The following ADGRL2 variants were observed in gnomAD, a reference collection of about 807,000 sequenced individuals.
ADGRL2 encodes the protein adhesion G protein-coupled receptor L2, also known as calcium-independent alpha-latrotoxin receptor 2.
Under a neutral mutation model 157.4 loss-of-function variants are expected in ADGRL2, and 44 were observed. The observed-to-expected ratio is 0.28, with a 90% CI of 0.22 to 0.36. ADGRL2 has a LOEUF of 0.36. Among genes scored for constraint, ADGRL2 ranks in the 10% least tolerant of loss-of-function variants. The pLI is 1.00. For missense variants in ADGRL2, 1,510 were observed against 1,768.9 expected (o/e 0.85, Z 2.63); for synonymous variants, 585 against 624.7 (o/e 0.94, Z 0.95).
intron 13 of ADGRL2, among the ~76,000 whole-genome samples, chr1:81,967,293 G>T (rs374368915): frequency 6.9e-5 from 10 of 145,944 alleles, no homozygotes; most frequent in African/African-American, 2.3e-4. Context: ...ACAGAGTCTC[G>T]CTCTGTTGCC....
At chr1:81,642,320 T>A (rs1196848458) in intron 3 of ADGRL2, among the ~76,000 whole-genome samples, 3 of 143,884 alleles carry the variant, frequency 2.1e-5, no homozygotes, top group Non-Finnish European at 3.0e-5. Context: ...CTTGGGAGAA[T>A]GAGGCAGGAA....
At chr1:81,834,957 G>T (rs927542583) in intron 1 of ADGRL2, among the ~76,000 whole-genome samples, 7 of 152,106 alleles carry the variant, frequency 4.6e-5, no homozygotes, top group Non-Finnish European at 1.0e-4. Context: ...GGTCTTGATT[G>T]TGTGGTTTCC....
chr1:81,637,500 G>C (rs2082137212), intron 3 of ADGRL2, among the ~76,000 whole-genome samples: 1 of 152,108 alleles, frequency 6.6e-6, no homozygotes, highest in Admixed American at 6.6e-5. Context: ...TTCTGCTGAA[G>C]CTACTAAAGA....
At chr1:81,583,335 A>G (rs1266248264) in intron 3 of ADGRL2, among the ~76,000 whole-genome samples, 4 of 152,176 alleles carry the variant, frequency 2.6e-5, no homozygotes, top group Admixed American at 1.3e-4. Flanking sequence ...CATTTAATAT[A>G]ACTTTTATAC....
At chr1:81,739,354 T>C (rs758718543) in intron 1 of ADGRL2, among the ~76,000 whole-genome samples, 1 of 152,208 alleles carries the variant, frequency 6.6e-6, no homozygotes, top group Non-Finnish European at 1.5e-5. Context: ...ATTATACATG[T>C]ATGCATCTAC....
rs183024195 is a variant in ADGRL2, at chr1:81,669,718, G to A, written c.-143+88738G>A. ...AGCACTTTGGGAGGCCAAGGCGGGC[G>A]GATCATGAGGTCAGGAGATCGAGAC... is the stretch of plus-strand genomic sequence containing the variant. On this transcript the variant is annotated intron_variant, in intron 3 of 24. Transcript: ENST00000370721. Among the ~76,000 whole-genome samples, 761 of 152,108 alleles carry A rather than the reference G, an allele frequency of 5.0e-3. 9 individuals are homozygous for A. Among genetic ancestry groups the A allele is most frequent in the Non-Finnish European group, 3.0e-3 (206 of 67,988 alleles).
Position 81,656,841 on chromosome 1 carries a change from C to A in ADGRL2, c.-143+75861C>A, listed in dbSNP as rs184254110. 3.1e-4 allele frequency among the ~76,000 whole-genome samples: 47 copies of A among 151,896 alleles called. 1 individual carries two copies. Among genetic ancestry groups the A allele is most frequent in the African/African-American group, 1.1e-3 (44 of 41,440 alleles). ...CCTGGGCAACATGGCAAAACCCTGT[C>A]TCTACAAAAAATACAAAAATTAGAT... On this transcript the variant is annotated intron_variant, in intron 3 of 24. Transcript: ENST00000370721.
At chr1:81,575,179 A>G (rs182969121) in intron 2 of ADGRL2, among the ~76,000 whole-genome samples, 4 of 152,320 alleles carry the variant, frequency 2.6e-5, no homozygotes, top group Non-Finnish European at 5.9e-5. Context: ...ATTATAAAAT[A>G]ATGTTTCGTG....
At chr1:81,877,235 T>G (rs2151132570) in intron 2 of ADGRL2, among the ~76,000 whole-genome samples, 1 of 152,258 alleles carries the variant, frequency 6.6e-6, no homozygotes, top group East Asian at 1.9e-4. Flanking sequence ...TTGCTGCAAT[T>G]GACATGACTA....
chr1:81,795,586 G>T (rs374897757), upstream of ADGRL2, among the ~76,000 whole-genome samples: 180 of 152,230 alleles, frequency 1.2e-3, 7 homozygotes, highest in South Asian at 0.034. Context: ...TTTCTAAAAT[G>T]CAGAGAGGTT....
At chr1:81,794,265 G>T (rs2087482843) in intron 2 of ADGRL2, among the ~76,000 whole-genome samples, 5 of 152,090 alleles carry the variant, frequency 3.3e-5, no homozygotes, top group Admixed American at 3.3e-4. Flanking sequence ...TAATTAAGTT[G>T]CCGTCATTTT....
chr1:81,874,938 C>T (rs957209555), intron 2 of ADGRL2, among the ~76,000 whole-genome samples: 1 of 152,020 alleles, frequency 6.6e-6, no homozygotes, highest in East Asian at 1.9e-4. Flanking sequence ...AACTTCTGGT[C>T]TTAGGTGATC....
Position 81,539,447 on chromosome 1 carries a change from G to A in ADGRL2, c.-247-41429G>A, listed in dbSNP as rs115483630. On this transcript the variant is annotated intron_variant, in intron 2 of 24. Coordinates refer to the ADGRL2 transcript ENST00000370721. Reference sequence around the variant, plus strand: ...ACAATATCATCAAACATTTCACAACGTTCACACGTGGGTCTCAGATTTTCA... The same window carrying A: ...ACAATATCATCAAACATTTCACAACATTCACACGTGGGTCTCAGATTTTCA... 7.7e-3 allele frequency among the ~76,000 whole-genome samples: 1,179 copies of A among 152,186 alleles called. 15 individuals are homozygous for A. Among genetic ancestry groups the A allele is most frequent in the African/African-American group, 0.027 (1,132 of 41,502 alleles).
chr1:81,404,376 T>C (rs1240175659), intron 1 of ADGRL2, among the ~76,000 whole-genome samples: 1 of 152,350 alleles, frequency 6.6e-6, no homozygotes, highest in East Asian at 1.9e-4. Flanking sequence ...GCGTTTAGTA[T>C]GTCCCAGATA....
chr1:81,439,459 G>GC (rs1333373941), intron 1 of ADGRL2, among the ~76,000 whole-genome samples: 1 of 152,300 alleles, frequency 6.6e-6, no homozygotes, highest in East Asian at 1.9e-4. Flanking sequence ...GATTTTCTCA[G>GC]CCCCTTCACT....
chr1:81,707,456 C>T (rs572259469), intron 1 of ADGRL2, among the ~76,000 whole-genome samples: 4 of 152,250 alleles, frequency 2.6e-5, no homozygotes, highest in African/African-American at 9.6e-5. Flanking sequence ...AATCCTTTCA[C>T]GTAAAAGTGT....
rs113308671 is a variant in ADGRL2, at chr1:81,762,780, C to A, written c.-101+928C>A. ...GAAAAAAGACACAAAAGGCCAGGCG[C>A]GGTGGCTCATGCCTGTAATCCCAGC... On this transcript the variant is annotated intron_variant, in intron 2 of 20. Coordinates refer to the ADGRL2 transcript ENST00000359929. 2.4e-3 allele frequency among the ~76,000 whole-genome samples: 368 copies of A among 152,042 alleles called. 7 individuals carry two copies. The South Asian group carries it at 0.041, about 17-fold the overall frequency.
intron 2 of ADGRL2, among the ~76,000 whole-genome samples, chr1:81,875,345 G>A (rs1426643185): frequency 6.6e-6 from 1 of 151,980 alleles, no homozygotes; most frequent in Non-Finnish European, 1.5e-5. Flanking sequence ...GTATGGGTTT[G>A]GGATGAAAAA....
At chr1:81,377,727 A>T (rs2076274244) in intron 1 of ADGRL2, among the ~76,000 whole-genome samples, 1 of 152,276 alleles carries the variant, frequency 6.6e-6, no homozygotes, top group South Asian at 2.1e-4. Context: ...ATTATTCTTC[A>T]CTTAAAAATG....
Sources: allele counts gnomAD v4.1 joint callset (sites outside exome capture counted in the v4.1 genomes callset), GRCh38; gene constraint gnomAD v4.1.1; transcripts MANE v1.5; gene names NCBI Gene and HGNC (gene_info 2026-07-23, HGNC 2026-07-21).